Variants in CHRM3 observed in about 807,000 individuals in gnomAD.
CHRM3 encodes the protein cholinergic receptor muscarinic 3.
Under a neutral mutation model 41.8 loss-of-function variants are expected in CHRM3, and 11 were observed. That is an observed-to-expected ratio of 0.26 (90% CI 0.17 to 0.44). The LOEUF is 0.44. Ranked by LOEUF, CHRM3 falls within the 20% of genes least tolerant of loss-of-function variation. The pLI is 1.00. For missense variants in CHRM3, 571 were observed against 745.4 expected, an observed-to-expected ratio of 0.77 and a Z score of 2.72; for synonymous variants, 297 against 301.4, an observed-to-expected ratio of 0.99 and a Z score of 0.15.
intron 5 of CHRM3, among the ~76,000 whole-genome samples, chr1:239,796,545 G>T (rs1055846634): frequency 5.3e-5 from 8 of 152,036 alleles, no homozygotes; most frequent in Non-Finnish European, 7.4e-5. Context: ...GTGCAATTAA[G>T]TATATGCTTA....
chr1:239,631,421 C>G (rs1287187035), intron 3 of CHRM3, among the ~76,000 whole-genome samples: 1 of 152,150 alleles, frequency 6.6e-6, no homozygotes. Context: ...CGTCACCATG[C>G]TGTGCAAACT....
At chr1:239,618,616 G>GT (rs1667939503) in intron 3 of CHRM3, among the ~76,000 whole-genome samples, 1 of 151,508 alleles carries the variant, frequency 6.6e-6, no homozygotes, top group African/African-American at 2.4e-5. Flanking sequence ...AGGCCAAGGC[G>GT]GTCGGATCAC....
intron 1 of CHRM3, among the ~76,000 whole-genome samples, chr1:239,484,789 T>G (rs1213630932): frequency 6.6e-6 from 1 of 152,156 alleles, no homozygotes; most frequent in African/African-American, 2.4e-5. Flanking sequence ...CTGACATATG[T>G]CAGAGCCAGT....
At chr1:239,426,140 TCCCCCCTC>T (rs1662358441) in intron 1 of CHRM3, among the ~76,000 whole-genome samples, 1 of 6,162 alleles carries the variant, frequency 1.6e-4, no homozygotes, top group Non-Finnish European at 3.1e-4. Context: ...CCCTCCCCCC[TCCCCCCTC>T]CCCCCTCCCC....
In CHRM3 at chr1:239,529,566, C is replaced by T. The variant is rs527674984; in HGVS notation, c.-421-16075C>T. Among the ~76,000 whole-genome samples, 11 of 136,562 alleles carry T rather than the reference C, an allele frequency of 8.1e-5. No homozygotes were observed. In the East Asian group the frequency reaches 1.2e-3, roughly 15 times the overall value. The allele number at this position is 136,562 out of a possible 152,430, so 89.6% of individuals were successfully genotyped here. On this transcript the variant is annotated intron_variant, in intron 2 of 6. Transcript: ENST00000676153. Reference sequence around the variant, plus strand: ...GGCGGAGGTTGCAGTGAGCCAAGATCGTGTTGCTGCACTCTAGCCTGGGTG... The same window carrying T: ...GGCGGAGGTTGCAGTGAGCCAAGATTGTGTTGCTGCACTCTAGCCTGGGTG...
Position 239,560,579 on chromosome 1 carries a change from G to A in CHRM3, c.-313+14830G>A, listed in dbSNP as rs143191291. ...TTCTAAAATATACTTCCAAGGATAC[G>A]TAACATTGTATCGTATGAATGTACC... is the stretch of plus-strand genomic sequence containing the variant. On this transcript the variant is annotated intron_variant, in intron 3 of 6. Transcript: ENST00000676153. 1.4e-4 allele frequency among the ~76,000 whole-genome samples: 22 copies of A among 152,008 alleles called. No homozygotes were observed. In the East Asian group the frequency reaches 1.7e-3, roughly 12 times the overall value.
intron 1 of CHRM3, among the ~76,000 whole-genome samples, chr1:239,465,990 T>C (rs916828735): frequency 3.3e-5 from 5 of 152,012 alleles, no homozygotes; most frequent in African/African-American, 1.2e-4. Context: ...TTTCCTTTTA[T>C]TTATTTATTT....
At chr1:239,415,121 C>CA (rs933320312) in intron 1 of CHRM3, among the ~76,000 whole-genome samples, 4 of 152,052 alleles carry the variant, frequency 2.6e-5, no homozygotes, top group Non-Finnish European at 5.9e-5. Flanking sequence ...AAATACAAAG[C>CA]AAAAAAAGTC....
At chr1:239,804,313 C>T (rs1315391576) in intron 5 of CHRM3, among the ~76,000 whole-genome samples, 1 of 150,036 alleles carries the variant, frequency 6.7e-6, no homozygotes, top group Admixed American at 6.8e-5. Flanking sequence ...TCAGTTCATC[C>T]CATTGTATCC....
At chr1:239,544,538 T>C (rs1659100721) in intron 2 of CHRM3, among the ~76,000 whole-genome samples, 1 of 152,218 alleles carries the variant, frequency 6.6e-6, no homozygotes, top group Non-Finnish European at 1.5e-5. Flanking sequence ...TTTTTCTTCT[T>C]GAGATTGTAT....
In CHRM3 at chr1:239,748,980, C is replaced by T. The variant is rs747858109; in HGVS notation, c.-147+70692C>T. ...TCAGTACTGAAATGCTCAGGAAAGA[C>T]GGCTTCTCATTATGGTGCAGGTAGG... On this transcript the variant is annotated intron_variant, in intron 5 of 6. Coordinates refer to ENST00000676153, the MANE Select transcript of CHRM3 (RefSeq NM_001375978.1). The surrounding 1 kb of genome is among the most constrained non-coding windows in gnomAD (Gnocchi z 4.3). 9.2e-5 allele frequency among the ~76,000 whole-genome samples: 14 copies of T among 152,160 alleles called. No homozygotes were observed. Among genetic ancestry groups the T allele is most frequent in the Admixed American group, 4.6e-4 (7 of 15,274 alleles).
chr1:239,477,491 C>T (rs541083148), intron 1 of CHRM3, among the ~76,000 whole-genome samples: 2 of 152,284 alleles, frequency 1.3e-5, no homozygotes, highest in African/African-American at 2.4e-5. Flanking sequence ...CCCTGGGCTG[C>T]TTTTGATCTC....
At chr1:239,802,226 A>C (rs1670278204) in intron 5 of CHRM3, among the ~76,000 whole-genome samples, 1 of 152,164 alleles carries the variant, frequency 6.6e-6, no homozygotes, top group Admixed American at 6.5e-5. Flanking sequence ...GGTATGCAAA[A>C]ACCTTGAATT....
intron 1 of CHRM3, among the ~76,000 whole-genome samples, chr1:239,492,178 T>C (rs778764401): frequency 9.2e-5 from 14 of 152,160 alleles, no homozygotes; most frequent in Non-Finnish European, 2.1e-4. Context: ...CATCCAGCAA[T>C]ATTGCTCTTT....
At position 239,447,506 on chromosome 1, in the gene CHRM3, G is replaced by A. The variant is rs139745928; in HGVS notation, c.-520-45203G>A. Among the ~76,000 whole-genome samples, 367 of 152,206 alleles carry A rather than the reference G, an allele frequency of 2.4e-3. 1 individual carries two copies. Among genetic ancestry groups the A allele is most frequent in the African/African-American group, 8.4e-3 (349 of 41,522 alleles). On this transcript the variant is annotated intron_variant, in intron 1 of 6. Coordinates refer to ENST00000676153, the MANE Select transcript of CHRM3 (RefSeq NM_001375978.1). ...CCAAGAAAACAAACAAAAATACCTA[G>A]CAGACCAGAAGCTTTTGGTTCAAGT...
intron 1 of CHRM3, among the ~76,000 whole-genome samples, chr1:239,469,839 G>A (rs756280928): frequency 1.3e-5 from 2 of 152,144 alleles, no homozygotes; most frequent in Non-Finnish European, 2.9e-5. Flanking sequence ...TTACAGGCAT[G>A]AGCCACCGCA....
intron 5 of CHRM3, among the ~76,000 whole-genome samples, chr1:239,796,732 C>T (rs1481023177): frequency 6.6e-6 from 1 of 152,030 alleles, no homozygotes; most frequent in Non-Finnish European, 1.5e-5. Context: ...GGTACAAGTG[C>T]ATTTTTGTTA....
At chr1:239,528,338 T>C (rs1473366545) in intron 2 of CHRM3, among the ~76,000 whole-genome samples, 1 of 152,198 alleles carries the variant, frequency 6.6e-6, no homozygotes, top group African/African-American at 2.4e-5. Context: ...CAAATCTTGC[T>C]GACATGTCTC....
At chr1:239,584,568 G>T (rs1177477738) in intron 3 of CHRM3, among the ~76,000 whole-genome samples, 1 of 152,158 alleles carries the variant, frequency 6.6e-6, no homozygotes, top group Non-Finnish European at 1.5e-5. Flanking sequence ...TGTAAGAAAA[G>T]AAGAGAGGTA....
Sources: allele counts gnomAD v4.1 joint callset (sites outside exome capture counted in the v4.1 genomes callset), GRCh38; gene constraint gnomAD v4.1.1; non-coding constraint Gnocchi (gnomAD v3.1); transcripts MANE v1.5; gene names NCBI Gene and HGNC (gene_info 2026-07-23, HGNC 2026-07-21).